Variants in MLIP observed in about 807,000 individuals in gnomAD.
The protein encoded by MLIP is muscular LMNA interacting protein, also known as muscular LMNA-interacting protein.
A neutral mutation model predicts 84.8 loss-of-function variants in MLIP; 79 were observed. That is an observed-to-expected ratio of 0.93 (90% CI 0.78 to 1.12). The LOEUF (loss-of-function observed/expected upper bound fraction) is 1.12, where lower values mean the gene tolerates loss of function less well. MLIP is among the 50% of genes most tolerant of loss of function. The probability of loss-of-function intolerance (pLI) is 0.00; values close to 1 mark genes in which losing one functional copy is unlikely to be tolerated. For missense variants in MLIP, 1,257 were observed against 1,160.6 expected (o/e 1.08, Z -1.21); for synonymous variants, 504 against 463.0 (o/e 1.09, Z -1.14).
At chr6:54,211,633 G>A (rs150805424) in intron 11 of MLIP, among the ~76,000 whole-genome samples, 266 of 152,336 alleles carry the variant, frequency 1.7e-3, no homozygotes, top group Admixed American at 3.5e-3. Context: ...AGTGAAATGA[G>A]GGGATGGCAC....
At position 54,136,978 on chromosome 6, in the gene MLIP, T is replaced by C. The variant is rs1561968230; in HGVS notation, c.909T>C (p.Thr303=). ...TSSTLLFPHS[T]QLSGSNLPSS... ...CGACGTTACTGTTTCCCCATTCCACTCAACTATCAGGTTCTAATTTACCCA... is the reference window on the plus strand; with the variant it reads ...CGACGTTACTGTTTCCCCATTCCACCCAACTATCAGGTTCTAATTTACCCA... Residue 303 remains threonine, a synonymous_variant, in exon 4 of 14, where the codon ACT becomes ACC. Coordinates refer to ENST00000502396, the MANE Select transcript of MLIP (RefSeq NM_001281747.2). 6.5e-7 allele frequency: 1 copy of C among 1,536,050 alleles called. No individual in the cohort carries two copies. The highest frequency in any genetic ancestry group is 1.2e-5 in the South Asian group (1 of 84,056).
intron 3 of MLIP, among the ~76,000 whole-genome samples, chr6:54,126,737 A>G (rs1199082583): frequency 6.6e-6 from 1 of 152,160 alleles, no homozygotes; most frequent in Non-Finnish European, 1.5e-5. Flanking sequence ...AAAGTCTAAA[A>G]AAAAATTACA....
rs777881028 is a variant in MLIP, at chr6:54,257,332, C to T, written c.2947C>T (p.Pro983Ser). Residue 983 changes from proline (P) to serine (S), a missense_variant, in exon 13 of 14, where the codon CCT (proline) becomes TCT (serine). Transcript: ENST00000502396. Reference protein sequence around the residue: ...NKLSHPMVAIPEHEALDSKEQ With the variant: ...NKLSHPMVAISEHEALDSKEQ ...GCTGAGTCATCCAATGGTGGCTATT[C>T]CTGAACATGAAGCTCTTGATTCCAA... 2 of 1,612,328 alleles carry T rather than the reference C, an allele frequency of 1.2e-6. No individual in the cohort carries two copies. Among genetic ancestry groups the T allele is most frequent in the Non-Finnish European group, 8.5e-7 (1 of 1,178,868 alleles).
At chr6:54,202,859 AC>A (rs1223022283) in intron 11 of MLIP, among the ~76,000 whole-genome samples, 4 of 152,200 alleles carry the variant, frequency 2.6e-5, no homozygotes, top group Non-Finnish European at 5.9e-5. Context: ...TAATCATGCC[AC>A]TGCACTCCAG....
At chr6:54,052,651 C>A (rs572641763) in intron 1 of MLIP, among the ~76,000 whole-genome samples, 1 of 152,242 alleles carries the variant, frequency 6.6e-6, no homozygotes, top group East Asian at 1.9e-4. Context: ...TTTTAGCACA[C>A]ATTCAAGAAT....
intron 1 of MLIP, among the ~76,000 whole-genome samples, chr6:54,027,906 G>A (rs955076230): frequency 1.3e-5 from 2 of 152,126 alleles, no homozygotes; most frequent in African/African-American, 4.8e-5. Context: ...GGCTTTAACC[G>A]AGCTGTGCTT....
At chr6:54,160,324 A>G in intron 5 of MLIP, 43 bp from the exon 6 acceptor site, 2 of 1,502,810 alleles carry the variant, frequency 1.3e-6, no homozygotes, top group African/African-American at 1.4e-5. Flanking sequence ...CTCCAGTTGT[A>G]TGACTAGAAG....
chr6:54,099,002 A>G (rs1295756224), intron 1 of MLIP, among the ~76,000 whole-genome samples: 1 of 152,186 alleles, frequency 6.6e-6, no homozygotes, highest in Non-Finnish European at 1.5e-5. Flanking sequence ...TAGAATATCC[A>G]AAGATTTCTT....
intron 5 of MLIP, among the ~76,000 whole-genome samples, chr6:54,152,291 T>G (rs911647726): frequency 1.3e-5 from 2 of 152,182 alleles, no homozygotes; most frequent in Non-Finnish European, 2.9e-5. Flanking sequence ...AACAATATAC[T>G]AAGGTCTGTA....
chr6:54,248,920 T>C (rs1271802854), intron 12 of MLIP, among the ~76,000 whole-genome samples: 3 of 152,068 alleles, frequency 2.0e-5, no homozygotes, highest in Non-Finnish European at 4.4e-5. Flanking sequence ...ATCAAGTGAA[T>C]ATATAATAAC....
At chr6:54,250,920 C>A (rs1782431976) in intron 12 of MLIP, among the ~76,000 whole-genome samples, 1 of 152,004 alleles carries the variant, frequency 6.6e-6, no homozygotes, top group Non-Finnish European at 1.5e-5. Context: ...TACTTCCTAA[C>A]ACATTATTTT....
intron 4 of MLIP, among the ~76,000 whole-genome samples, chr6:54,140,901 G>T (rs1364117301): frequency 6.6e-6 from 1 of 152,100 alleles, no homozygotes; most frequent in South Asian, 2.1e-4. Flanking sequence ...TTCTTGTCTT[G>T]CTCCTTCCAG....
chr6:54,223,446 A>T (rs1780358976), intron 11 of MLIP, among the ~76,000 whole-genome samples: 1 of 152,004 alleles, frequency 6.6e-6, no homozygotes, highest in African/African-American at 2.4e-5. Context: ...TGAAATAAGG[A>T]TCCAGTTTCA....
intron 1 of MLIP, among the ~76,000 whole-genome samples, chr6:54,067,920 G>A (rs1405009033): frequency 1.0e-5 from 1 of 99,626 alleles, no homozygotes; most frequent in African/African-American, 2.6e-5. Flanking sequence ...GCCAAGCTAG[G>A]GATGCACAAG....
At chr6:54,256,959 A>C (rs929060138) in intron 12 of MLIP, among the ~76,000 whole-genome samples, 4 of 152,112 alleles carry the variant, frequency 2.6e-5, no homozygotes, top group Non-Finnish European at 5.9e-5. Flanking sequence ...GTGAAGCATA[A>C]ATTTAACTTT....
At chr6:54,087,028 G>A (rs983137246) in intron 1 of MLIP, among the ~76,000 whole-genome samples, 3 of 152,244 alleles carry the variant, frequency 2.0e-5, no homozygotes, top group South Asian at 4.1e-4. Flanking sequence ...CTAAAATAGA[G>A]GTTACATGAG....
chr6:54,217,759 C>A, intron 11 of MLIP: 4 of 985,146 alleles, frequency 4.1e-6, no homozygotes, highest in Non-Finnish European at 4.8e-6. Flanking sequence ...ACTATGTTAC[C>A]TATCTCATTG....
intron 1 of MLIP, among the ~76,000 whole-genome samples, chr6:54,058,749 A>T (rs987152189): frequency 2.0e-5 from 3 of 152,212 alleles, no homozygotes; most frequent in African/African-American, 7.2e-5. Flanking sequence ...TCATACAAAA[A>T]ATTGTTAGTG....
At chr6:54,151,368 TAA>T (rs1440003787) in intron 5 of MLIP, among the ~76,000 whole-genome samples, 1 of 152,178 alleles carries the variant, frequency 6.6e-6, no homozygotes, top group Non-Finnish European at 1.5e-5. Flanking sequence ...TTTTAAAAAA[TAA>T]ATCTGACAAT....
Sources: allele counts gnomAD v4.1 joint callset (sites outside exome capture counted in the v4.1 genomes callset), GRCh38; gene constraint gnomAD v4.1.1; transcripts MANE v1.5; gene names NCBI Gene and HGNC (gene_info 2026-07-23, HGNC 2026-07-21).